The following R3HDM2 variants were observed in gnomAD, a reference collection of about 807,000 sequenced individuals.
The protein encoded by R3HDM2 is R3H domain containing 2.
R3HDM2 carries 38 observed loss-of-function variants against 124.5 expected under a neutral mutation model. That is an observed-to-expected ratio of 0.31 (90% CI 0.24 to 0.40). The LOEUF is 0.40. Among genes scored for constraint, R3HDM2 ranks in the 10% least tolerant of loss-of-function variants. The pLI, the probability that R3HDM2 is intolerant of heterozygous loss-of-function variation, is 1.00. For synonymous variants in R3HDM2, 391 were observed against 448.0 expected, an observed-to-expected ratio of 0.87 and a Z score of 1.61; for missense variants, 869 against 1,236.9, an observed-to-expected ratio of 0.70 and a Z score of 4.46.
chr12:57,343,009 A>G (rs760051330), intron 2 of R3HDM2, among the ~76,000 whole-genome samples: 17 of 152,178 alleles, frequency 1.1e-4, no homozygotes, highest in Non-Finnish European at 1.8e-4. Context: ...CCATGAAGGC[A>G]TCTTACTGAC....
intron 2 of R3HDM2, chr12:57,341,362 C>A (rs1296588655): frequency 3.6e-5 from 35 of 961,914 alleles, no homozygotes; most frequent in Non-Finnish European, 4.1e-5. Context: ...TTACCAACAT[C>A]AAGTCACAGA....
chr12:57,329,100 G>T (rs1009461673), intron 2 of R3HDM2, among the ~76,000 whole-genome samples: 4 of 152,060 alleles, frequency 2.6e-5, no homozygotes, highest in African/African-American at 9.7e-5. Context: ...TATAAGCAAA[G>T]AATACTATCT....
intron 13 of R3HDM2, among the ~76,000 whole-genome samples, chr12:57,281,366 C>G (rs2046094897): frequency 6.6e-6 from 1 of 151,658 alleles, no homozygotes; most frequent in Admixed American, 6.6e-5. Flanking sequence ...TTCCCCATTT[C>G]TAGGCTCTCC....
chr12:57,277,606 C>G (rs1188979440), intron 14 of R3HDM2, among the ~76,000 whole-genome samples: 1 of 152,138 alleles, frequency 6.6e-6, no homozygotes. Context: ...CACCACCACA[C>G]CCAGCTAATT....
intron 1 of R3HDM2, among the ~76,000 whole-genome samples, chr12:57,416,682 C>T (rs2069641131): frequency 6.6e-6 from 1 of 152,034 alleles, no homozygotes; most frequent in African/African-American, 2.4e-5. Flanking sequence ...GTGGCACATG[C>T]CTGTAGTCCC....
chr12:57,406,886 T>A (rs896851547), intron 1 of R3HDM2, among the ~76,000 whole-genome samples: 4 of 152,174 alleles, frequency 2.6e-5, no homozygotes, highest in African/African-American at 9.7e-5. Flanking sequence ...TGTGGGAAAT[T>A]CTACTGGACA....
Position 57,268,199 on chromosome 12 carries a change from T to C in R3HDM2, c.2030+104A>G. Reference sequence around the variant, plus strand: ...TACCTGCTTTAGGGAACTACTGGGATCTTTACCCCTGCCTTTCTTAGGCCA... The same window carrying C: ...TACCTGCTTTAGGGAACTACTGGGACCTTTACCCCTGCCTTTCTTAGGCCA... On this transcript the variant is annotated intron_variant, in intron 18 of 23. Coordinates refer to ENST00000402412, the MANE Select transcript of R3HDM2 (RefSeq NM_001394031.1). The C allele has an allele frequency of 3.1e-6, 4 of 1,303,494 alleles. No individual in the cohort carries two copies. The South Asian group carries it at 6.1e-5, about 20-fold the overall frequency. The allele number at this position is 1,303,494 out of a possible 1,614,324, so 80.7% of individuals were successfully genotyped here.
intron 2 of R3HDM2, among the ~76,000 whole-genome samples, chr12:57,314,334 C>G (rs1013951463): frequency 3.3e-5 from 5 of 152,046 alleles, no homozygotes; most frequent in African/African-American, 1.2e-4. Context: ...ACAAAATTAG[C>G]TGGGCGTGGT....
intron 2 of R3HDM2, among the ~76,000 whole-genome samples, chr12:57,365,253 G>A (rs2062494870): frequency 6.7e-6 from 1 of 150,276 alleles, no homozygotes; most frequent in Non-Finnish European, 1.5e-5. Flanking sequence ...GACAGAGTGA[G>A]ACTCTGTCTC....
chr12:57,386,217 G>C (rs552649486), intron 2 of R3HDM2, among the ~76,000 whole-genome samples: 1 of 152,204 alleles, frequency 6.6e-6, no homozygotes, highest in South Asian at 2.1e-4. Context: ...GGCGGCACTT[G>C]AGGAGCCCTT....
chr12:57,307,300 T>C (rs1256269938), intron 3 of R3HDM2, among the ~76,000 whole-genome samples: 1 of 123,502 alleles, frequency 8.1e-6, no homozygotes, highest in African/African-American at 2.7e-5. Context: ...GAAGCAGAAA[T>C]GCTGGGTTTT....
chr12:57,269,654 G>A, intron 15 of R3HDM2, 98 bp downstream of exon 15: 1 of 1,532,330 alleles, frequency 6.5e-7, no homozygotes, highest in Non-Finnish European at 8.9e-7. Flanking sequence ...GGTAGGGAGA[G>A]GTATTCCCTC....
chr12:57,393,870 C>A (rs932832677), intron 2 of R3HDM2, among the ~76,000 whole-genome samples: 13 of 152,150 alleles, frequency 8.5e-5, no homozygotes, highest in African/African-American at 3.1e-4. Context: ...CATCAGAAAC[C>A]ATGGAAGCTA....
intron 1 of R3HDM2, among the ~76,000 whole-genome samples, chr12:57,425,180 G>A (rs576667119): frequency 6.6e-6 from 1 of 151,892 alleles, no homozygotes; most frequent in African/African-American, 2.4e-5. Context: ...GCTGAGGCAG[G>A]AGAATCACTT....
At chr12:57,279,686 T>G (rs1356043785) in intron 14 of R3HDM2, among the ~76,000 whole-genome samples, 7 of 151,764 alleles carry the variant, frequency 4.6e-5, no homozygotes, top group South Asian at 2.1e-4. Flanking sequence ...AAGAAAGAAA[T>G]AAAACAGAAT....
intron 2 of R3HDM2, among the ~76,000 whole-genome samples, chr12:57,349,348 C>CTAACCTG (rs2060419494): frequency 8.2e-6 from 1 of 122,582 alleles, no homozygotes; most frequent in African/African-American, 3.3e-5. Context: ...CCACTGCTCT[C>CTAACCTG]TAACCTGCCG....
chr12:57,256,379 C>T (rs1397269148), intron 22 of R3HDM2, 35 bp downstream of exon 22: 1 of 1,470,068 alleles, frequency 6.8e-7, no homozygotes, highest in East Asian at 2.4e-5. Flanking sequence ...GAAGAGGGGT[C>T]TGATGGCCCT....
At position 57,404,064 on chromosome 12, in the gene R3HDM2, A is replaced by ATTTTTTTTTTTTTTTTTTT. The variant is rs767234283; in HGVS notation, c.-105-8247_-105-8246insAAAAAAAAAAAAAAAAAAA. ...ATAAAATAAAAAAAGTCCACTCCTA[A>ATTTTTTTTTTTTTTTTTTT]TTTTTTTTTTTTTTTTTGAGATGGA... is the stretch of plus-strand genomic sequence containing the variant. On this transcript the variant is annotated intron_variant, in intron 1 of 23. Coordinates refer to ENST00000402412, the MANE Select transcript of R3HDM2 (RefSeq NM_001394031.1). 2.1e-4 allele frequency among the ~76,000 whole-genome samples: 16 copies of ATTTTTTTTTTTTTTTTTTT among 77,044 alleles called. 1 individual carries two copies. Among genetic ancestry groups the ATTTTTTTTTTTTTTTTTTT allele is most frequent in the East Asian group, 4.9e-4 (1 of 2,036 alleles). The allele number at this position is 77,044 out of a possible 152,430, so 50.5% of individuals were successfully genotyped here. A position where few individuals can be genotyped will look rare whatever the true frequency, so the allele number is the denominator to read the frequency against.
intron 2 of R3HDM2, among the ~76,000 whole-genome samples, chr12:57,390,325 A>G (rs982758515): frequency 2.0e-5 from 3 of 152,186 alleles, no homozygotes; most frequent in African/African-American, 7.2e-5. Context: ...ATCCCTAAAC[A>G]GTGTTTCCAA....
Sources: allele counts gnomAD v4.1 joint callset (sites outside exome capture counted in the v4.1 genomes callset), GRCh38; gene constraint gnomAD v4.1.1; transcripts MANE v1.5; gene names NCBI Gene and HGNC (gene_info 2026-07-23, HGNC 2026-07-21).